KRTCAP2: variants seen among roughly 807,000 people sequenced by gnomAD.
The protein encoded by KRTCAP2 is keratinocyte associated protein 2, also known as dolichyl-diphosphooligosaccharide--protein glycosyltransferase subunit KCP2.
Under a neutral mutation model 16.5 loss-of-function variants are expected in KRTCAP2, and 10 were observed. The observed-to-expected ratio is 0.60, with a 90% confidence interval of 0.37 to 1.02. The LOEUF is 1.02. KRTCAP2 is among the 50% of genes least tolerant of loss of function. The pLI is 0.01. For synonymous variants in KRTCAP2, 68 were observed against 69.8 expected (o/e 0.97, Z 0.13); for missense variants, 152 against 159.6 (o/e 0.95, Z 0.26).
At chr1:155,169,636 C>G in intron 4 of KRTCAP2, 76 bp from the exon 5 acceptor site, 1 of 1,524,812 alleles carries the variant, frequency 6.6e-7, no homozygotes, top group Non-Finnish European at 9.0e-7. Flanking sequence ...AAGACACTAG[C>G]ATCAAGGAAA....
In KRTCAP2 at chr1:155,172,877, G is replaced by A. The variant is rs781023039; in HGVS notation, c.20C>T (p.Thr7Ile). The part of the protein sequence containing the change: MVVGTG[T>I]SLALSSLLSL... Reference sequence around the variant, plus strand: ...CAGGAGGGAGGAGAGCGCCAGCGAGGTGCCCGTACCCACCACTGGAGGGGA... The same window carrying A: ...CAGGAGGGAGGAGAGCGCCAGCGAGATGCCCGTACCCACCACTGGAGGGGA... Residue 7 changes from threonine to isoleucine, a missense_variant, in exon 2 of 5, where the codon ACC (threonine) becomes ATC (isoleucine). Transcript: ENST00000295682. The A allele has an allele frequency of 2.3e-5, 37 of 1,613,940 alleles. No individual in the cohort carries two copies. The highest frequency in any genetic ancestry group is 3.1e-5 in the Non-Finnish European group (36 of 1,180,020).
Position 155,172,896 on chromosome 1 carries a change from G to C in KRTCAP2, c.5-4C>G, listed in dbSNP as rs1282567845. On this transcript the variant is annotated splice_polypyrimidine_tract_variant and splice_region_variant and intron_variant, in intron 1 of 4. Transcript: ENST00000295682. Reference sequence around the variant, plus strand: ...AGCGAGGTGCCCGTACCCACCACTGGAGGGGATGGGAGAAGGGACGGAGAG... The same window carrying C: ...AGCGAGGTGCCCGTACCCACCACTGCAGGGGATGGGAGAAGGGACGGAGAG... The C allele has an allele frequency of 6.2e-7, 1 of 1,613,652 alleles. No individual in the cohort carries two copies. The highest frequency in any genetic ancestry group is 1.1e-5 in the South Asian group (1 of 91,062).
In KRTCAP2 at chr1:155,173,278, A is replaced by C; in HGVS notation, c.-54T>G. On this transcript the variant is annotated 5_prime_UTR_variant, in exon 1 of 5. Transcript: ENST00000295682. ...CCTCTGGCCAAGAAAGGCGAGCTGA[A>C]CCGGGTGCGGTTAGCTATGCGCATG... 2 of 1,614,096 alleles carry C rather than the reference A, an allele frequency of 1.2e-6. No individual in the cohort carries two copies. The highest frequency in any genetic ancestry group is 4.5e-5 in the East Asian group (2 of 44,886).
Position 155,169,410 on chromosome 1 carries a change from C to T in KRTCAP2, c.*30G>A, listed in dbSNP as rs1553193160. 1.2e-6 allele frequency: 2 copies of T among 1,612,056 alleles called. No individual in the cohort carries two copies. Among genetic ancestry groups the T allele is most frequent in the South Asian group, 2.2e-5 (2 of 90,846 alleles). Reference sequence around the variant, plus strand: ...CAACATATCACAACTCACAGAGCTACAAAGAATCAACTTTATTGAACATTC... The same window carrying T: ...CAACATATCACAACTCACAGAGCTATAAAGAATCAACTTTATTGAACATTC... On this transcript the variant is annotated 3_prime_UTR_variant, in exon 5 of 5. Coordinates refer to ENST00000295682, the MANE Select transcript of KRTCAP2 (RefSeq NM_173852.4).
At chr1:155,172,130 T>C (rs1191153601) in intron 3 of KRTCAP2, 1 of 1,009,426 alleles carries the variant, frequency 9.9e-7, no homozygotes. Context: ...CCTGCTGCCA[T>C]AGATATTTGG....
chr1:155,172,170 C>G, intron 3 of KRTCAP2: 2 of 1,053,916 alleles, frequency 1.9e-6, no homozygotes, highest in Non-Finnish European at 2.3e-6. Context: ...CTTCACAATT[C>G]CCTCAAATAA....
At chr1:155,173,106 C>A in intron 1 of KRTCAP2, 115 bp downstream of exon 1, 4 of 1,074,832 alleles carry the variant, frequency 3.7e-6, no homozygotes, top group Non-Finnish European at 5.5e-6. Context: ...TGGAAATGCC[C>A]GCTCCCGGTG....
At chr1:155,172,442 A>T in intron 3 of KRTCAP2, 123 bp downstream of exon 3, 3 of 1,554,430 alleles carry the variant, frequency 1.9e-6, no homozygotes, top group Non-Finnish European at 2.6e-6. Context: ...CTGTCTTCAG[A>T]CAGCTTCAGT....
chr1:155,169,685 CAG>C (rs1665180042), intron 4 of KRTCAP2, 104 bp downstream of exon 4: 16 of 1,369,244 alleles, frequency 1.2e-5, no homozygotes, highest in Non-Finnish European at 1.4e-5. Flanking sequence ...GGAGGGAGAA[CAG>C]AGAGAGAGGT....
At chr1:155,169,950 A>T in intron 3 of KRTCAP2, 93 bp from the exon 4 acceptor site, 1 of 806,780 alleles carries the variant, frequency 1.2e-6, no homozygotes. Flanking sequence ...GGGCTCTCTG[A>T]ATCCTGGGGA....
At position 155,171,847 on chromosome 1, in the gene KRTCAP2, C is replaced by CAAA. The variant is rs56344097; in HGVS notation, c.223+715_223+717dup. On this transcript the variant is annotated intron_variant, in intron 3 of 4. Coordinates refer to ENST00000295682, the MANE Select transcript of KRTCAP2 (RefSeq NM_173852.4). ...TAGGCGACAGAGTAAAGCCTTGTCT[C>CAAA]AAAAAAAAAAAAAAAAAAAAAAGAG... 740 of 655,868 alleles carry CAAA rather than the reference C, an allele frequency of 1.1e-3. 1 individual carries two copies. The highest frequency in any genetic ancestry group is 1.2e-3 in the African/African-American group (33 of 27,430). 40.6% of individuals were successfully genotyped at this position (655,868 alleles called of 1,614,324 possible).
chr1:155,171,771 T>C (rs1437787229), intron 3 of KRTCAP2: 10 of 639,260 alleles, frequency 1.6e-5, no homozygotes, highest in East Asian at 2.8e-4. Context: ...GGAGGGAAGA[T>C]TGCTTGAGAC....
chr1:155,171,964 C>T (rs955230483), intron 3 of KRTCAP2: 95 of 986,162 alleles, frequency 9.6e-5, no homozygotes, highest in Non-Finnish European at 1.0e-4. Flanking sequence ...GAGCACGTGG[C>T]ATTCCTTAAG....
chr1:155,170,118 T>C, intron 3 of KRTCAP2: 1 of 349,522 alleles, frequency 2.9e-6, no homozygotes, highest in Non-Finnish European at 5.4e-6. Flanking sequence ...CCCAGGAGTT[T>C]GAGACCAGCC....
chr1:155,172,975 C>T, intron 1 of KRTCAP2, 83 bp from the exon 2 acceptor site: 1 of 1,454,590 alleles, frequency 6.9e-7, no homozygotes, highest in Non-Finnish European at 9.5e-7. Flanking sequence ...GGTCCGGAAG[C>T]TCGGTGGGCC....
chr1:155,169,875 A>T lies in KRTCAP2; in HGVS notation c.224-18T>A, dbSNP rs763857669. The T allele has an allele frequency of 6.5e-7, 1 of 1,549,580 alleles. No individual in the cohort carries two copies. Among genetic ancestry groups the T allele is most frequent in the Admixed American group, 1.8e-5 (1 of 54,296 alleles). On this transcript the variant is annotated intron_variant, in intron 3 of 4. Transcript: ENST00000295682. ...CAGGAGAACTAGGGAGGCAAGAAGA[A>T]CAAGGAGGGCAACGGTCAGAATGGA...
At chr1:155,173,130 G>C in intron 1 of KRTCAP2, 91 bp downstream of exon 1, 1 of 1,202,382 alleles carries the variant, frequency 8.3e-7, no homozygotes, top group Middle Eastern at 2.8e-4. Context: ...CCCAGGACAC[G>C]TCAGCTCTGT....
At chr1:155,171,830 AGAG>A in intron 3 of KRTCAP2, 1 of 915,566 alleles carries the variant, frequency 1.1e-6, no homozygotes, top group Non-Finnish European at 1.3e-6. Context: ...CCTAGGCGAC[AGAG>A]TAAAGCCTTG....
At chr1:155,169,609 C>A in intron 4 of KRTCAP2, 49 bp from the exon 5 acceptor site, 1 of 1,590,306 alleles carries the variant, frequency 6.3e-7, no homozygotes, top group Admixed American at 1.7e-5. Context: ...CATCTGCCAG[C>A]CTGGTGCCTC....
Sources: allele counts gnomAD v4.1 joint callset, GRCh38; gene constraint gnomAD v4.1.1; transcripts MANE v1.5; gene names NCBI Gene and HGNC (gene_info 2026-07-23, HGNC 2026-07-21).